Variants in STAB2 observed in about 807,000 individuals in gnomAD.
STAB2 encodes the protein stabilin 2.
Under a neutral mutation model 338.1 loss-of-function variants are expected in STAB2, and 288 were observed. That is an observed-to-expected ratio of 0.85 (90% CI 0.77 to 0.94). The LOEUF is 0.94. STAB2 is among the 40% of genes least tolerant of loss of function. The probability of loss-of-function intolerance (pLI) is 0.00; values close to 1 mark genes in which losing one functional copy is unlikely to be tolerated. For missense variants in STAB2, 3,141 were observed against 3,210.1 expected (o/e 0.98, Z 0.52); for synonymous variants, 1,202 against 1,193.3 (o/e 1.01, Z -0.15).
At position 103,631,441 on chromosome 12, in the gene STAB2, T is replaced by TAAA. The variant is rs10668571; in HGVS notation, c.488-146_488-144dup. Reference sequence around the variant, plus strand: ...GGCATTCCTATCCATATGTTAAACTTAAAAAAAAAAAAACCTGGTGCTGAT... The same window carrying TAAA: ...GGCATTCCTATCCATATGTTAAACTTAAAAAAAAAAAAAAAACCTGGTGCTGAT... On this transcript the variant is annotated intron_variant, in intron 5 of 68. Transcript: ENST00000388887. Among the ~76,000 whole-genome samples the TAAA allele has an allele frequency of 4.6e-3, 681 of 147,952 alleles. 7 individuals are homozygous for TAAA. Among genetic ancestry groups the TAAA allele is most frequent in the African/African-American group, 6.8e-3 (272 of 40,244 alleles).
At chr12:103,674,167 C>T (rs1876111796) in intron 23 of STAB2, 80 bp downstream of exon 23, 1 of 1,497,918 alleles carries the variant, frequency 6.7e-7, no homozygotes, top group Admixed American at 1.9e-5. Context: ...GCTGTGTTAC[C>T]TGTAGACGGA....
rs765549176 is a variant in STAB2 at position 103,758,169 on chromosome 12, G to A, written c.6988-1G>A. On this transcript the variant is annotated splice_acceptor_variant, in intron 63 of 68. Transcript: ENST00000388887. LOFTEE classifies it high-confidence loss of function. The stretch of plus-strand genomic sequence containing the variant: ...TCTGATGACTTCCTTCTTCTCCCCA[G>A]GAAGTGCTGGCCTATTCCAACAGCT... 1.8e-5 allele frequency: 29 copies of A among 1,613,878 alleles called. No homozygotes were observed. Among genetic ancestry groups the A allele is most frequent in the Non-Finnish European group, 2.0e-5 (24 of 1,180,024 alleles).
In STAB2 at chr12:103,594,518, G is replaced by C. The variant is rs376916880; in HGVS notation, c.331+8G>C. ...GGGGCCCAGACTGTATAGGTAAGTGGCACAATGCTTGGACTTTGAGACTTG... is the reference window on the plus strand; with the variant it reads ...GGGGCCCAGACTGTATAGGTAAGTGCCACAATGCTTGGACTTTGAGACTTG... On this transcript the variant is annotated splice_region_variant and intron_variant, in intron 3 of 68. Coordinates refer to ENST00000388887, the MANE Select transcript of STAB2 (RefSeq NM_017564.10). 1.7e-5 allele frequency: 28 copies of C among 1,604,310 alleles called. 1 individual carries two copies. The South Asian group carries it at 3.1e-4, about 18-fold the overall frequency.
intron 18 of STAB2, among the ~76,000 whole-genome samples, chr12:103,665,559 G>A (rs746484191): frequency 1.6e-4 from 25 of 152,280 alleles, no homozygotes; most frequent in Non-Finnish European, 2.6e-4. Context: ...AAGCGTGGAA[G>A]AGGTGACCTC....
Position 103,715,852 on chromosome 12 carries a change from C to G in STAB2, c.4575C>G (p.Asp1525Glu). ...NPCLENHGGC[D>E]KNAECTQTGP... ...GTTTGGAGAACCATGGTGGCTGTGA[C>G]AAGAATGCGGAGTGCACACAGACAG... Residue 1525 changes from aspartate (D) to glutamate (E), a missense_variant, in exon 43 of 69, where the codon GAC becomes GAG. Physicochemically the swap from Asp to Glu is conservative, Grantham distance 45. Coordinates refer to ENST00000388887, the MANE Select transcript of STAB2 (RefSeq NM_017564.10). 6.2e-7 allele frequency: 1 copy of G among 1,614,054 alleles called. No individual in the cohort carries two copies. The highest frequency in any genetic ancestry group is 8.5e-7 in the Non-Finnish European group (1 of 1,179,968).
intron 5 of STAB2, among the ~76,000 whole-genome samples, chr12:103,627,124 C>T (rs1204312223): frequency 2.0e-5 from 3 of 152,188 alleles, no homozygotes; most frequent in Admixed American, 6.5e-5. Context: ...GAGAGGGTTG[C>T]TCAAGGCCAT....
intron 35 of STAB2, among the ~76,000 whole-genome samples, chr12:103,703,576 G>A (rs1367770255): frequency 1.3e-5 from 2 of 152,148 alleles, no homozygotes; most frequent in African/African-American, 4.8e-5. Flanking sequence ...TGTTGGGCAG[G>A]ATTTTGGACC....
chr12:103,721,225 C>T (rs890929831), intron 44 of STAB2, among the ~76,000 whole-genome samples: 2 of 152,236 alleles, frequency 1.3e-5, no homozygotes, highest in South Asian at 4.2e-4. Context: ...GGGGAAGGGT[C>T]GTAGTGATCA....
chr12:103,661,456 G>A (rs2138771917), intron 17 of STAB2, among the ~76,000 whole-genome samples: 1 of 152,306 alleles, frequency 6.6e-6, no homozygotes, highest in Admixed American at 6.5e-5. Context: ...CACTGTTGTA[G>A]GTCCTGAAGA....
intron 6 of STAB2, 135 bp from the exon 7 acceptor site, chr12:103,636,976 T>A: frequency 2.1e-6 from 2 of 931,266 alleles, no homozygotes; most frequent in Non-Finnish European, 2.9e-6. Flanking sequence ...CAATTTTAAC[T>A]TAACGTGTTC....
At chr12:103,646,709 A>G (rs1465039240) in intron 9 of STAB2, among the ~76,000 whole-genome samples, 1 of 152,254 alleles carries the variant, frequency 6.6e-6, no homozygotes, top group Non-Finnish European at 1.5e-5. Flanking sequence ...AGAATTAAGA[A>G]GGTACTTAAA....
Position 103,712,364 on chromosome 12 carries a change from C to T in STAB2, c.4335-3C>T, listed in dbSNP as rs1201811268. 9 of 1,613,062 alleles carry T rather than the reference C, an allele frequency of 5.6e-6. No individual in the cohort carries two copies. In the South Asian group the frequency reaches 7.7e-5, roughly 14 times the overall value. The stretch of plus-strand genomic sequence containing the variant: ...AAACCCCATTTGTCCTTCCTTGTTG[C>T]AGCTGCCTCACCAACTCAGATGGTA... On this transcript the variant is annotated splice_polypyrimidine_tract_variant and splice_region_variant and intron_variant, in intron 40 of 68. Coordinates refer to ENST00000388887, the MANE Select transcript of STAB2 (RefSeq NM_017564.10).
chr12:103,766,269 A>C lies in STAB2; in HGVS notation c.7606-17A>C, dbSNP rs79111509. 19 of 1,613,708 alleles carry C rather than the reference A, an allele frequency of 1.2e-5. No individual in the cohort carries two copies. Among genetic ancestry groups the C allele is most frequent in the Non-Finnish European group, 1.6e-5 (19 of 1,179,962 alleles). On this transcript the variant is annotated splice_polypyrimidine_tract_variant and intron_variant, in intron 68 of 68. Coordinates refer to ENST00000388887, the MANE Select transcript of STAB2 (RefSeq NM_017564.10). ...CACACAGAATGCCCTGCCCCCTTACAACCCTCTCTTTTCCAGGACTCTGAA... is the reference window on the plus strand; with the variant it reads ...CACACAGAATGCCCTGCCCCCTTACCACCCTCTCTTTTCCAGGACTCTGAA...
intron 36 of STAB2, 88 bp from the exon 37 acceptor site, chr12:103,705,542 GAC>G: frequency 9.9e-7 from 1 of 1,010,554 alleles, no homozygotes; most frequent in Non-Finnish European, 1.5e-6. Context: ...TAGTCAGAGA[GAC>G]AGCAATGCAT....
intron 3 of STAB2, among the ~76,000 whole-genome samples, chr12:103,609,917 A>C (rs897427274): frequency 6.6e-6 from 1 of 152,224 alleles, no homozygotes; most frequent in Non-Finnish European, 1.5e-5. Flanking sequence ...ATTTTCTCAA[A>C]GGCCTTTTCT....
intron 3 of STAB2, among the ~76,000 whole-genome samples, chr12:103,606,128 G>T (rs1250064655): frequency 1.3e-5 from 2 of 151,638 alleles, no homozygotes; most frequent in African/African-American, 2.4e-5. Context: ...TGGCTTATTA[G>T]CTACACCCTT....
chr12:103,637,806 A>C (rs932031828), intron 7 of STAB2, among the ~76,000 whole-genome samples: 3 of 152,252 alleles, frequency 2.0e-5, no homozygotes, highest in Non-Finnish European at 4.4e-5. Flanking sequence ...TACACACACA[A>C]AATGGCCTAC....
At chr12:103,659,119 T>C (rs1874408008) in intron 15 of STAB2, among the ~76,000 whole-genome samples, 1 of 152,124 alleles carries the variant, frequency 6.6e-6, no homozygotes, top group African/African-American at 2.4e-5. Flanking sequence ...TAACTGGTGG[T>C]CAATTTCAAC....
At chr12:103,749,291 T>A in intron 59 of STAB2, 135 bp downstream of exon 59, 1 of 1,048,656 alleles carries the variant, frequency 9.5e-7, no homozygotes, top group Non-Finnish European at 1.3e-6. Flanking sequence ...TGTTTCTTGT[T>A]AAAAGTCATT....
Sources: gnomAD v4.1 joint callset for allele counts (sites outside exome capture counted in the v4.1 genomes callset) on GRCh38, gnomAD v4.1.1 for gene constraint, MANE v1.5 for transcripts, NCBI Gene and HGNC (gene_info 2026-07-23, HGNC 2026-07-21) for gene names.